Variants in CCDC73 observed in about 807,000 individuals in gnomAD.
CCDC73 encodes the protein coiled-coil domain-containing protein 73.
Under a neutral mutation model 116.5 loss-of-function variants are expected in CCDC73, and 95 were observed. That is an observed-to-expected ratio of 0.82 (90% CI 0.69 to 0.97). CCDC73 has a LOEUF of 0.97. CCDC73 is among the 50% of genes least tolerant of loss of function. CCDC73 has a pLI of 0.00. For synonymous variants in CCDC73, 398 were observed against 401.3 expected, an observed-to-expected ratio of 0.99 and a Z score of 0.10; for missense variants, 1,066 against 1,206.8, an observed-to-expected ratio of 0.88 and a Z score of 1.73.
chr11:32,631,147 T>C lies in CCDC73; in HGVS notation c.1185+4549A>G, dbSNP rs1014925316. Among the ~76,000 whole-genome samples the C allele has an allele frequency of 3.3e-5, 5 of 152,346 alleles. No individual in the cohort carries two copies. In the East Asian group the frequency reaches 9.6e-4, roughly 29 times the overall value. ...ACAGTTATGATTAAAGATTTCAACA[T>C]TCTTCTCCCACTAATTGATAGAACA... On this transcript the variant is annotated intron_variant, in intron 14 of 17. Transcript: ENST00000335185.
intron 6 of CCDC73, among the ~76,000 whole-genome samples, chr11:32,696,555 T>A (rs1167704037): frequency 6.6e-6 from 1 of 152,148 alleles, no homozygotes; most frequent in Non-Finnish European, 1.5e-5. Flanking sequence ...GCCTCCTGTG[T>A]AGCCTGGAGC....
chr11:32,641,910 G>A (rs1379144020), intron 13 of CCDC73, 62 bp downstream of exon 13: 4 of 1,159,168 alleles, frequency 3.5e-6, no homozygotes, highest in African/African-American at 1.6e-5. Flanking sequence ...AGCATTTATA[G>A]TTATTTTAAA....
At chr11:32,662,799 T>C (rs889476545) in intron 9 of CCDC73, among the ~76,000 whole-genome samples, 23 of 152,178 alleles carry the variant, frequency 1.5e-4, no homozygotes, top group Non-Finnish European at 3.2e-4. Context: ...TAGGTTTTTT[T>C]CTAGGGTTTT....
intron 3 of CCDC73, among the ~76,000 whole-genome samples, chr11:32,707,387 T>C (rs567433400): frequency 1.3e-5 from 2 of 152,086 alleles, no homozygotes; most frequent in South Asian, 4.1e-4. Context: ...AAGTTACTTT[T>C]TTTTTTTTTT....
chr11:32,637,390 T>A (rs931667409), intron 13 of CCDC73, among the ~76,000 whole-genome samples: 1 of 152,148 alleles, frequency 6.6e-6, no homozygotes, highest in Non-Finnish European at 1.5e-5. Context: ...CCCTGACTTC[T>A]GCCCTCATTG....
intron 12 of CCDC73, among the ~76,000 whole-genome samples, chr11:32,647,343 C>T (rs1855787788): frequency 1.3e-5 from 2 of 152,158 alleles, no homozygotes; most frequent in African/African-American, 4.8e-5. Context: ...CTCGTGAAAA[C>T]GAGATCATTC....
chr11:32,827,456 ACT>A, the CCDC73 span, among the ~76,000 whole-genome samples: 1 of 151,968 alleles, frequency 6.6e-6, no homozygotes, highest in African/African-American at 2.4e-5. Context: ...CTGTCTATAA[ACT>A]CTGATATTTG....
chr11:32,779,898 T>C (rs541020884), intron 1 of CCDC73, among the ~76,000 whole-genome samples: 7 of 152,280 alleles, frequency 4.6e-5, no homozygotes, highest in Admixed American at 4.6e-4. Context: ...CTAAATGAGC[T>C]AAAATACAAA....
chr11:32,643,698 T>C (rs1315062934), intron 12 of CCDC73, among the ~76,000 whole-genome samples: 1 of 152,148 alleles, frequency 6.6e-6, no homozygotes, highest in Admixed American at 6.5e-5. Flanking sequence ...TATAAGGTAC[T>C]TACCATGAAC....
At chr11:32,774,970 GT>G (rs918822348) in intron 1 of CCDC73, among the ~76,000 whole-genome samples, 7 of 152,214 alleles carry the variant, frequency 4.6e-5, no homozygotes, top group Admixed American at 2.0e-4. Context: ...TAAGGTGAGT[GT>G]TTTGGAAAAA....
chr11:32,801,122 A>G, the CCDC73 span, among the ~76,000 whole-genome samples: 1 of 152,204 alleles, frequency 6.6e-6, no homozygotes, highest in South Asian at 2.1e-4. Flanking sequence ...AAAAAGGAAG[A>G]AGGCTGGGTA....
intron 13 of CCDC73, among the ~76,000 whole-genome samples, chr11:32,637,380 C>A (rs185689): frequency 6.6e-6 from 1 of 151,878 alleles, no homozygotes; most frequent in African/African-American, 2.4e-5. Flanking sequence ...CTCCTTAATA[C>A]CCTGACTTCT....
intron 9 of CCDC73, among the ~76,000 whole-genome samples, chr11:32,665,748 T>C (rs1855975069): frequency 6.6e-6 from 1 of 152,230 alleles, no homozygotes; most frequent in South Asian, 2.1e-4. Context: ...AGTTTCTTCC[T>C]AGCATCAATG....
chr11:32,766,170 C>A (rs1304013844), intron 1 of CCDC73, among the ~76,000 whole-genome samples: 1 of 152,096 alleles, frequency 6.6e-6, no homozygotes, highest in African/African-American at 2.4e-5. Flanking sequence ...AATCAATAAA[C>A]GTAATCCAGC....
At chr11:32,772,683 A>G (rs767446553) in intron 1 of CCDC73, among the ~76,000 whole-genome samples, 1 of 152,236 alleles carries the variant, frequency 6.6e-6, no homozygotes, top group African/African-American at 2.4e-5. Context: ...AAACAAATAT[A>G]GCAGATTTTT....
At chr11:32,639,997 G>A (rs1192967743) in intron 13 of CCDC73, among the ~76,000 whole-genome samples, 1 of 151,896 alleles carries the variant, frequency 6.6e-6, no homozygotes, top group Non-Finnish European at 1.5e-5. Context: ...CAGTTTACAT[G>A]ATTCCAATTT....
At chr11:32,650,240 A>G (rs937898876) in intron 12 of CCDC73, among the ~76,000 whole-genome samples, 1 of 152,238 alleles carries the variant, frequency 6.6e-6, no homozygotes, top group Admixed American at 6.5e-5. Context: ...TAGGAAAAAT[A>G]TCTTAACAGT....
intron 2 of CCDC73, among the ~76,000 whole-genome samples, chr11:32,741,895 G>A (rs1442319293): frequency 6.6e-6 from 1 of 152,096 alleles, no homozygotes; most frequent in Non-Finnish European, 1.5e-5. Flanking sequence ...ACTTATGAGT[G>A]AGAACATGTG....
chr11:32,812,437 G>T, the CCDC73 span, among the ~76,000 whole-genome samples: 1 of 152,104 alleles, frequency 6.6e-6, no homozygotes, highest in East Asian at 1.9e-4. Flanking sequence ...AGGCCGAGGC[G>T]GGTGGATCAC....
Sources: gnomAD v4.1 joint callset for allele counts (sites outside exome capture counted in the v4.1 genomes callset) on GRCh38, gnomAD v4.1.1 for gene constraint, MANE v1.5 for transcripts, NCBI Gene and HGNC (gene_info 2026-07-23, HGNC 2026-07-21) for gene names.